Variants in SCARB1 observed in about 807,000 individuals in gnomAD.
The protein encoded by SCARB1 is scavenger receptor class B member 1, also known as CD36 and LIMPII analogous 1.
Under a neutral mutation model 57.2 loss-of-function variants are expected in SCARB1, and 30 were observed. That is an observed-to-expected ratio of 0.52 (90% confidence interval 0.39 to 0.71). SCARB1 has a LOEUF of 0.71. Among genes scored for constraint, SCARB1 ranks in the 30% least tolerant of loss-of-function variants. SCARB1 has a pLI of 0.00. For synonymous variants in SCARB1, 249 were observed against 268.3 expected, an observed-to-expected ratio of 0.93 and a Z score of 0.70; for missense variants, 543 against 671.2, an observed-to-expected ratio of 0.81 and a Z score of 2.11.
intron 1 of SCARB1, among the ~76,000 whole-genome samples, chr12:124,820,759 C>T (rs867830075): frequency 2.3e-4 from 35 of 152,132 alleles, no homozygotes; most frequent in African/African-American, 7.7e-4. Flanking sequence ...GAGTAGAGCA[C>T]GAACTATATG....
intron 12 of SCARB1, among the ~76,000 whole-genome samples, chr12:124,782,129 G>A (rs1054380233): frequency 1.3e-5 from 2 of 152,088 alleles, no homozygotes; most frequent in Non-Finnish European, 2.9e-5. Context: ...GGCTGGTCTT[G>A]AACTCCTGAC....
chr12:124,832,700 C>T (rs1286501154), intron 1 of SCARB1, among the ~76,000 whole-genome samples: 2 of 152,136 alleles, frequency 1.3e-5, no homozygotes, highest in East Asian at 1.9e-4. Context: ...TTTGTAAAAA[C>T]ACTGACAATT....
intron 1 of SCARB1, among the ~76,000 whole-genome samples, chr12:124,829,178 T>C (rs1352112968): frequency 6.6e-6 from 1 of 152,208 alleles, no homozygotes; most frequent in Non-Finnish European, 1.5e-5. Context: ...GAGTCATTCC[T>C]GAGTCCTCCA....
At chr12:124,779,021 G>T (rs938857931) in intron 12 of SCARB1, among the ~76,000 whole-genome samples, 2 of 152,128 alleles carry the variant, frequency 1.3e-5, no homozygotes, top group African/African-American at 4.8e-5. Flanking sequence ...TGCCATCATG[G>T]CTCACCACGG....
Position 124,843,912 on chromosome 12 carries a change from A to G in SCARB1, c.126+19683T>C, listed in dbSNP as rs36206379. Among the ~76,000 whole-genome samples, 1,098 of 152,318 alleles carry G rather than the reference A, an allele frequency of 7.2e-3. 17 individuals are homozygous for G. Among genetic ancestry groups the G allele is most frequent in the African/African-American group, 0.025 (1,021 of 41,564 alleles). On this transcript the variant is annotated intron_variant, in intron 1 of 12. Coordinates refer to ENST00000261693, the MANE Select transcript of SCARB1 (RefSeq NM_005505.5). ...ACGTACCCTCACTGAGACCCCAGAC[A>G]TTCTCGAAGACTAAATCGTCTCAGG...
intron 11 of SCARB1, chr12:124,786,079 G>GT (rs1180164933): frequency 6.6e-7 from 1 of 1,526,052 alleles, no homozygotes; most frequent in Non-Finnish European, 8.8e-7. Flanking sequence ...GATGATGCAA[G>GT]TACCAGGTCT....
chr12:124,830,963 C>T (rs551924241), intron 1 of SCARB1, among the ~76,000 whole-genome samples: 64 of 146,502 alleles, frequency 4.4e-4, no homozygotes, highest in African/African-American at 1.5e-3. Flanking sequence ...CAGGCATACG[C>T]CACCATGCCC....
chr12:124,846,046 G>A lies in SCARB1; in HGVS notation c.126+17549C>T, dbSNP rs1594376519. Among the ~76,000 whole-genome samples, 9 of 152,116 alleles carry A rather than the reference G, an allele frequency of 5.9e-5. No individual in the cohort carries two copies. In the South Asian group the frequency reaches 1.7e-3, roughly 28 times the overall value. On this transcript the variant is annotated intron_variant, in intron 1 of 12. Transcript: ENST00000261693. The stretch of plus-strand genomic sequence containing the variant: ...GAAAGAAAGAAAGAAAGAAATGTCC[G>A]TAACAGGTGCATCTGTAGAGACAGA...
At chr12:124,861,451 C>T (rs1228805788) in intron 1 of SCARB1, among the ~76,000 whole-genome samples, 2 of 151,572 alleles carry the variant, frequency 1.3e-5, no homozygotes, top group African/African-American at 4.8e-5. Context: ...ACTGTAGGGA[C>T]TTCTGTTGTT....
intron 1 of SCARB1, among the ~76,000 whole-genome samples, chr12:124,836,295 C>T (rs1219249977): frequency 1.3e-5 from 2 of 152,172 alleles, no homozygotes; most frequent in East Asian, 3.8e-4. Flanking sequence ...TCCATCAGTA[C>T]AGCCACCTCG....
chr12:124,831,057 C>G (rs1011201051), intron 1 of SCARB1, among the ~76,000 whole-genome samples: 1 of 151,754 alleles, frequency 6.6e-6, no homozygotes, highest in Middle Eastern at 3.4e-3. Flanking sequence ...CTCACTGCAA[C>G]CTCTGCCTCC....
chr12:124,787,177 A>C (rs1292990412), intron 10 of SCARB1, among the ~76,000 whole-genome samples: 2 of 152,192 alleles, frequency 1.3e-5, no homozygotes, highest in East Asian at 3.8e-4. Context: ...TTACCTCTTC[A>C]TGCAGCTTCT....
intron 1 of SCARB1, among the ~76,000 whole-genome samples, chr12:124,828,937 C>A (rs1275946409): frequency 6.6e-6 from 1 of 152,206 alleles, no homozygotes; most frequent in Non-Finnish European, 1.5e-5. Context: ...GACCAGCAGT[C>A]AGTGGCTGAC....
chr12:124,850,020 T>C lies in SCARB1; in HGVS notation c.126+13575A>G. Among the ~76,000 whole-genome samples the C allele has an allele frequency of 1.6e-5, 2 of 126,082 alleles. 1 individual carries two copies. Among genetic ancestry groups the C allele is most frequent in the Non-Finnish European group, 3.5e-5 (2 of 56,680 alleles). The allele number at this position is 126,082 out of a possible 152,430, so 82.7% of individuals were successfully genotyped here. ...TTGAAGCTGCAGTGAGCCGTAATCA[T>C]GCCACTGCACTCCAGCTTGGGTGAC... On this transcript the variant is annotated intron_variant, in intron 1 of 12. Coordinates refer to ENST00000261693, the MANE Select transcript of SCARB1 (RefSeq NM_005505.5).
Position 124,863,676 on chromosome 12 carries a change from G to A in SCARB1, c.45C>T (p.Gly15=). The A allele has an allele frequency of 6.4e-7, 1 of 1,563,482 alleles. No homozygotes were observed. Among genetic ancestry groups the A allele is most frequent in the Non-Finnish European group, 8.7e-7 (1 of 1,155,834 alleles). ...GCACAGCGCACAGTAGCCCCGCGAC[G>A]CCCAGCGCCCCGGCAGCCCAGCGCG... ...AKARWAAGAL[G]VAGLLCAVLG... Residue 15 remains glycine (G), a synonymous_variant, in exon 1 of 13, where the codon GGC becomes GGT. Transcript: ENST00000261693.
chr12:124,782,672 C>T lies in SCARB1; in HGVS notation c.*11G>A. On this transcript the variant is annotated intron_variant, in intron 12 of 12. Transcript: ENST00000261693. ...GGGGCGGGGAGGCGCACGGCATTAC[C>T]TGGTACCCACCTACAGTTTTGCTTC... 6.2e-7 allele frequency: 1 copy of T among 1,613,854 alleles called. No homozygotes were observed. Among genetic ancestry groups the T allele is most frequent in the South Asian group, 1.1e-5 (1 of 91,042 alleles).
At chr12:124,858,878 CAAA>C (rs1353288326) in intron 1 of SCARB1, among the ~76,000 whole-genome samples, 1 of 123,306 alleles carries the variant, frequency 8.1e-6, no homozygotes. Context: ...GACTCCGTCT[CAAA>C]AAAAAAAAAA....
At chr12:124,855,318 G>A (rs1952583306) in intron 1 of SCARB1, among the ~76,000 whole-genome samples, 1 of 151,972 alleles carries the variant, frequency 6.6e-6, no homozygotes, top group African/African-American at 2.4e-5. Context: ...TGGGCCATGA[G>A]GCTTCCTGGA....
chr12:124,859,157 C>T (rs553361266), intron 1 of SCARB1, among the ~76,000 whole-genome samples: 51 of 152,200 alleles, frequency 3.4e-4, no homozygotes, highest in African/African-American at 9.4e-4. Flanking sequence ...GTGCTGGGAT[C>T]GCAAGTTTGA....
Sources: gnomAD v4.1 joint callset for allele counts (sites outside exome capture counted in the v4.1 genomes callset) on GRCh38, gnomAD v4.1.1 for gene constraint, MANE v1.5 for transcripts, NCBI Gene and HGNC (gene_info 2026-07-23, HGNC 2026-07-21) for gene names.